The following NFIB variants were observed in gnomAD, a reference collection of about 807,000 sequenced individuals.
NFIB encodes the protein nuclear factor 1 B-type.
NFIB carries 11 observed loss-of-function variants against 61.5 expected under a neutral mutation model. The observed-to-expected ratio is 0.18, with a 90% CI of 0.11 to 0.30. The LOEUF (loss-of-function observed/expected upper bound fraction) is 0.30. Ranked by LOEUF, NFIB falls within the 10% of genes least tolerant of loss-of-function variation. NFIB has a pLI of 1.00. For synonymous variants in NFIB, 260 were observed against 216.5 expected, an observed-to-expected ratio of 1.20 and a Z score of -1.76; for missense variants, 471 against 608.9, an observed-to-expected ratio of 0.77 and a Z score of 2.38.
intron 2 of NFIB, among the ~76,000 whole-genome samples, chr9:14,234,805 G>T (rs79230867): frequency 1.1e-4 from 16 of 142,970 alleles, no homozygotes; most frequent in South Asian, 2.2e-4. Context: ...TTTTTTTTTG[G>T]TTTTTTTTTT....
the NFIB span, among the ~76,000 whole-genome samples, chr9:14,498,402 TC>T: frequency 2.6e-5 from 4 of 152,208 alleles, no homozygotes; most frequent in Non-Finnish European, 5.9e-5. Context: ...ATTCCAACTG[TC>T]CTACTGGGTA....
the NFIB span, among the ~76,000 whole-genome samples, chr9:14,458,861 TA>T: frequency 6.6e-6 from 1 of 151,180 alleles, no homozygotes; most frequent in East Asian, 1.9e-4. Flanking sequence ...CTCAAGGAAA[TA>T]AAAGAGGATA....
At chr9:14,213,319 G>C (rs1033589221) in intron 2 of NFIB, among the ~76,000 whole-genome samples, 1 of 152,042 alleles carries the variant, frequency 6.6e-6, no homozygotes, top group Non-Finnish European at 1.5e-5. Context: ...GAAAGTTAAC[G>C]CGGGCCCCCA....
Position 14,380,956 on chromosome 9 carries a change from C to A in NFIB, c.108+17568G>T, listed in dbSNP as rs1200858960. Reference sequence around the variant, plus strand: ...CTGAGTGGAGGCCCCTGTTCCCTAACCTTAAATTTTCCTCCTTCATTGTTC... The same window carrying A: ...CTGAGTGGAGGCCCCTGTTCCCTAAACTTAAATTTTCCTCCTTCATTGTTC... On this transcript the variant is annotated intron_variant, in intron 1 of 8. Transcript: ENST00000380934. 2.0e-5 allele frequency among the ~76,000 whole-genome samples: 3 copies of A among 151,104 alleles called. No homozygotes were observed. The South Asian group carries it at 6.3e-4, about 32-fold the overall frequency.
chr9:14,258,258 T>G (rs1454967603), intron 2 of NFIB, among the ~76,000 whole-genome samples: 1 of 152,256 alleles, frequency 6.6e-6, no homozygotes, highest in Non-Finnish European at 1.5e-5. Flanking sequence ...CTGTTTAACC[T>G]TGGATACTTA....
chr9:14,112,260 T>C (rs138034151), intron 10 of NFIB, among the ~76,000 whole-genome samples: 169 of 152,352 alleles, frequency 1.1e-3, no homozygotes, highest in African/African-American at 3.9e-3. Flanking sequence ...TCTTATCCTG[T>C]AACTAGAATC....
At chr9:14,479,909 G>A in the NFIB span, among the ~76,000 whole-genome samples, 47 of 152,126 alleles carry the variant, frequency 3.1e-4, no homozygotes, top group African/African-American at 1.1e-3. Flanking sequence ...GCAGTGATGG[G>A]TTGCACAACC....
chr9:14,141,270 T>C (rs1211376771), intron 6 of NFIB, among the ~76,000 whole-genome samples: 2 of 152,196 alleles, frequency 1.3e-5, no homozygotes, highest in African/African-American at 2.4e-5. Flanking sequence ...AACTGGAGAC[T>C]TGTATAAAAA....
intron 2 of NFIB, among the ~76,000 whole-genome samples, chr9:14,245,983 C>T (rs1354726961): frequency 1.3e-5 from 2 of 151,932 alleles, no homozygotes; most frequent in Non-Finnish European, 2.9e-5. Flanking sequence ...ATATCCATCA[C>T]TCTAGAGGAG....
intron 2 of NFIB, among the ~76,000 whole-genome samples, chr9:14,198,362 G>A (rs145007522): frequency 6.6e-4 from 101 of 152,142 alleles, no homozygotes; most frequent in African/African-American, 2.4e-3. Context: ...GTTTAAACCT[G>A]GAACAATTAC....
the NFIB span, among the ~76,000 whole-genome samples, chr9:14,432,049 G>A: frequency 2.0e-5 from 3 of 152,174 alleles, no homozygotes; most frequent in African/African-American, 7.2e-5. Flanking sequence ...TGCTCTTACT[G>A]TGAGACTGGC....
At chr9:14,411,849 A>G in the NFIB span, among the ~76,000 whole-genome samples, 127 of 152,306 alleles carry the variant, frequency 8.3e-4, 1 homozygote, top group African/African-American at 2.9e-3. Flanking sequence ...GGTATAAAAA[A>G]CACTGTGGTT....
At chr9:14,187,741 C>A (rs2047537747) in intron 2 of NFIB, among the ~76,000 whole-genome samples, 1 of 151,984 alleles carries the variant, frequency 6.6e-6, no homozygotes. Context: ...AGGGAATTAA[C>A]TGAAAAAATA....
Position 14,155,707 on chromosome 9 carries a change from G to T in NFIB, c.685+118C>A, listed in dbSNP as rs546905385. On this transcript the variant is annotated intron_variant, in intron 4 of 10. Transcript: ENST00000380953. ...ATTGTTATTTCATCAAAGGTTTTAA[G>T]ATTTTAATTCAAATTTTCCTAATAT... The T allele has an allele frequency of 2.1e-3, 1,061 of 515,540 alleles. 3 individuals are homozygous for T. The highest frequency in any genetic ancestry group is 2.8e-3 in the Non-Finnish European group (848 of 301,708). The allele number at this position is 515,540 out of a possible 1,614,324, so 31.9% of individuals were successfully genotyped here.
the NFIB span, among the ~76,000 whole-genome samples, chr9:14,437,229 AT>A: frequency 1.3e-5 from 2 of 152,250 alleles, no homozygotes; most frequent in Admixed American, 6.5e-5. Context: ...CAATATCCAA[AT>A]GTAAAAAGTG....
Position 14,088,200 on chromosome 9 carries a change from G to A in NFIB, c.*109C>T. The A allele has an allele frequency of 6.6e-7, 1 of 1,518,540 alleles. No individual in the cohort carries two copies. The highest frequency in any genetic ancestry group is 2.0e-5 in the Admixed American group (1 of 49,286). 94.1% of individuals were successfully genotyped at this position (1,518,540 alleles called of 1,614,324 possible). On this transcript the variant is annotated 3_prime_UTR_variant, in exon 11 of 11. Coordinates refer to ENST00000380953, the MANE Select transcript of NFIB (RefSeq NM_001190737.2). ...TATTGTTGTGTTTCTTTTTCCCTCA[G>A]TTGCTTGTTTCTGCTTGAAGGAAAG...
intron 3 of NFIB, among the ~76,000 whole-genome samples, chr9:14,175,163 A>ATTTTTTTTTTTTTTTTTTTTT (rs375736787): frequency 9.8e-6 from 1 of 102,106 alleles, no homozygotes. Flanking sequence ...GACTTAAAGA[A>ATTTTTTTTTTTTTTTTTTTTT]TTTCTTTTTT....
chr9:14,351,988 GC>G (rs1174836696), intron 1 of NFIB, among the ~76,000 whole-genome samples: 1 of 152,108 alleles, frequency 6.6e-6, no homozygotes, highest in East Asian at 1.9e-4. Context: ...GGTCCCATTT[GC>G]CCACAGTTCT....
intron 3 of NFIB, among the ~76,000 whole-genome samples, chr9:14,168,836 C>G (rs1303227350): frequency 1.3e-5 from 2 of 152,130 alleles, no homozygotes; most frequent in African/African-American, 4.8e-5. Flanking sequence ...GCAGCCTGAG[C>G]CTTTGTATTC....
Sources: gnomAD v4.1 joint callset for allele counts (sites outside exome capture counted in the v4.1 genomes callset) on GRCh38, gnomAD v4.1.1 for gene constraint, MANE v1.5 for transcripts, NCBI Gene and HGNC (gene_info 2026-07-23, HGNC 2026-07-21) for gene names.